SERPINB2: variants seen among roughly 807,000 people sequenced by gnomAD.
The protein encoded by SERPINB2 is plasminogen activator inhibitor 2.
In SERPINB2, 28 loss-of-function variants were observed where a neutral mutation model predicts 39.4. The observed-to-expected ratio is 0.71, with a 90% CI of 0.53 to 0.97. The LOEUF (loss-of-function observed/expected upper bound fraction) is 0.97. Among genes scored for constraint, SERPINB2 ranks in the 50% least tolerant of loss-of-function variants. The probability of loss-of-function intolerance (pLI) is 0.00; values close to 1 mark genes in which losing one functional copy is unlikely to be tolerated. For synonymous variants in SERPINB2, 209 were observed against 175.1 expected (o/e 1.19, Z -1.53); for missense variants, 557 against 505.3 (o/e 1.10, Z -0.98).
At chr18:63,893,780 C>T (rs1398006857) in intron 2 of SERPINB2, among the ~76,000 whole-genome samples, 1 of 152,120 alleles carries the variant, frequency 6.6e-6, no homozygotes, top group Non-Finnish European at 1.5e-5. Context: ...CTTATTAGTG[C>T]CTTAGCCAGG....
At position 63,902,556 on chromosome 18, in the gene SERPINB2, T is replaced by C; in HGVS notation, c.831T>C (p.Thr277=). Residue 277 remains threonine (T), a synonymous_variant, in exon 7 of 8, where the codon ACT becomes ACC. Coordinates refer to ENST00000299502, the MANE Select transcript of SERPINB2 (RefSeq NM_002575.3). The stretch of plus-strand genomic sequence containing the variant: ...CAGATGAAATTGCCGATGTGTCCAC[T>C]GGCTTGGAGCTGGTAAGACATTCAG... The part of the protein sequence containing the change: ...LLPDEIADVS[T]GLELLESEIT... 6.2e-7 allele frequency: 1 copy of C among 1,612,594 alleles called. No homozygotes were observed. Among genetic ancestry groups the C allele is most frequent in the Non-Finnish European group, 8.5e-7 (1 of 1,179,170 alleles).
chr18:63,888,070 A>G (rs568703293), intron 1 of SERPINB2, among the ~76,000 whole-genome samples: 1 of 152,226 alleles, frequency 6.6e-6, no homozygotes, highest in Non-Finnish European at 1.5e-5. Context: ...ATTAGATTAT[A>G]TATGTTCTCT....
chr18:63,893,754 A>G lies in SERPINB2; in HGVS notation c.169-1510A>G, dbSNP rs376704303. The stretch of plus-strand genomic sequence containing the variant: ...TGTAAGGCACTTAGTAGCAGTTGCT[A>G]TAATAACAACCAATACTTATTAGTG... On this transcript the variant is annotated intron_variant, in intron 2 of 7. Coordinates refer to ENST00000299502, the MANE Select transcript of SERPINB2 (RefSeq NM_002575.3). 5.9e-5 allele frequency among the ~76,000 whole-genome samples: 9 copies of G among 152,244 alleles called. No individual in the cohort carries two copies. The East Asian group carries it at 1.3e-3, about 23-fold the overall frequency.
intron 1 of SERPINB2, among the ~76,000 whole-genome samples, chr18:63,889,412 T>C (rs1311451924): frequency 6.6e-6 from 1 of 152,192 alleles, no homozygotes; most frequent in Non-Finnish European, 1.5e-5. Context: ...TGTTAGTTTG[T>C]CTTTAGAGTT....
At chr18:63,894,802 T>C (rs937989449) in intron 2 of SERPINB2, among the ~76,000 whole-genome samples, 1 of 152,224 alleles carries the variant, frequency 6.6e-6, no homozygotes, top group African/African-American at 2.4e-5. Flanking sequence ...TTGCATGACC[T>C]GTTTTATGCC....
Position 63,896,036 on chromosome 18 carries a change from T to A in SERPINB2, c.288+653T>A, listed in dbSNP as rs1201372716. Among the ~76,000 whole-genome samples, 3 of 152,338 alleles carry A rather than the reference T, an allele frequency of 2.0e-5. No homozygotes were observed. The East Asian group carries it at 5.8e-4, about 29-fold the overall frequency. On this transcript the variant is annotated intron_variant, in intron 3 of 7. Transcript: ENST00000299502. ...AAATGTCAGCTATCCAGTTAAATTA[T>A]AAAAACTGAGTATAGACTGCTCCTG...
intron 2 of SERPINB2, chr18:63,892,872 G>T (rs542557225): frequency 6.6e-6 from 1 of 152,164 alleles, no homozygotes; most frequent in African/African-American, 2.4e-5. Flanking sequence ...TGCCTTGAAA[G>T]AATAAAGATA....
Position 63,897,078 on chromosome 18 carries a change from CT to C in SERPINB2, c.289-10del. The C allele has an allele frequency of 6.2e-7, 1 of 1,609,500 alleles. No homozygotes were observed. The highest frequency in any genetic ancestry group is 8.5e-7 in the Non-Finnish European group (1 of 1,177,696). The stretch of plus-strand genomic sequence containing the variant: ...CTGTGTTATATATAAAGAATTCCTT[CT>C]TTCTTTTCAAGGCACAAGCTGCAGA... On this transcript the variant is annotated splice_polypyrimidine_tract_variant and intron_variant, in intron 3 of 7. Coordinates refer to ENST00000299502, the MANE Select transcript of SERPINB2 (RefSeq NM_002575.3).
intron 1 of SERPINB2, among the ~76,000 whole-genome samples, chr18:63,888,588 A>G (rs2049906723): frequency 6.6e-6 from 1 of 152,128 alleles, no homozygotes; most frequent in Admixed American, 6.5e-5. Flanking sequence ...GCTACAGCAA[A>G]CTCCAATCTA....
intron 2 of SERPINB2, among the ~76,000 whole-genome samples, chr18:63,893,623 CAT>C (rs1314287818): frequency 6.6e-6 from 1 of 152,196 alleles, no homozygotes; most frequent in East Asian, 1.9e-4. Context: ...TTCCTTACTA[CAT>C]GTGTGTGAGG....
intron 5 of SERPINB2, 27 bp from the exon 6 acceptor site, chr18:63,901,713 C>A: frequency 6.8e-7 from 1 of 1,480,734 alleles, no homozygotes; most frequent in East Asian, 2.6e-5. Context: ...GATTATGAAA[C>A]CTAAATATAT....
intron 1 of SERPINB2, among the ~76,000 whole-genome samples, chr18:63,890,391 G>A (rs1403336611): frequency 6.6e-6 from 1 of 152,088 alleles, no homozygotes; most frequent in Non-Finnish European, 1.5e-5. Context: ...GTCATAAGAA[G>A]GTTTCCTGAG....
rs2144707896 is a variant in SERPINB2, at chr18:63,902,518, T to C, written c.793T>C (p.Phe265Leu). 1 of 1,613,644 alleles carries C rather than the reference T, an allele frequency of 6.2e-7. No individual in the cohort carries two copies. The highest frequency in any genetic ancestry group is 8.5e-7 in the Non-Finnish European group (1 of 1,179,686). The change falls in exon 7 of 8, where the codon TTC becomes CTC. Residue 265 changes from phenylalanine (F) to leucine (L), a missense_variant. By Grantham distance (22) the Phe-to-Leu change is conservative. Transcript: ENST00000299502. The stretch of plus-strand genomic sequence containing the variant: ...CCCATATGCTGGAGATGTTAGCATG[T>C]TCTTGTTGCTTCCAGATGAAATTGC... ...ELPYAGDVSM[F>L]LLLPDEIADV...
Position 63,896,407 on chromosome 18 carries a change from A to AATAGATATCT in SERPINB2, c.289-680_289-679insATATCTATAG, listed in dbSNP as rs150237180. ...TTCCACTGCATAGTTTGCCCCATAA[A>AATAGATATCT]ATAGGTATCTAGAGAAGCTATATGA... On this transcript the variant is annotated intron_variant, in intron 3 of 7. Coordinates refer to ENST00000299502, the MANE Select transcript of SERPINB2 (RefSeq NM_002575.3). Among the ~76,000 whole-genome samples, 19 of 151,922 alleles carry AATAGATATCT rather than the reference A, an allele frequency of 1.3e-4. 1 individual carries two copies. In the East Asian group the frequency reaches 3.5e-3, roughly 28 times the overall value.
At chr18:63,894,596 G>A (rs531120715) in intron 2 of SERPINB2, among the ~76,000 whole-genome samples, 11 of 152,262 alleles carry the variant, frequency 7.2e-5, no homozygotes, top group Admixed American at 6.5e-4. Flanking sequence ...AGGCAGCAGT[G>A]TTGTGGGAAG....
Position 63,895,380 on chromosome 18 carries a change from G to A in SERPINB2, c.285G>A (p.Leu95=). The change falls in exon 3 of 8, where the codon TTG becomes TTA. Residue 95 remains leucine (L), a synonymous_variant. Transcript: ENST00000299502. ...AGGGTAGTTATCCTGATGCGATTTT[G>A]CAGGTATCTGACTTACTGGTCCAAA... ...IQKGSYPDAI[L]QAQAADKIHS... 6.2e-7 allele frequency: 1 copy of A among 1,613,928 alleles called. No homozygotes were observed. The highest frequency in any genetic ancestry group is 1.1e-5 in the South Asian group (1 of 91,022).
intron 2 of SERPINB2, chr18:63,892,881 T>G (rs996774742): frequency 2.0e-5 from 3 of 152,236 alleles, no homozygotes; most frequent in African/African-American, 7.2e-5. Context: ...AGAATAAAGA[T>G]AGTAAATTGG....
intron 5 of SERPINB2, among the ~76,000 whole-genome samples, chr18:63,899,762 T>G (rs914019392): frequency 7.2e-5 from 11 of 152,218 alleles, no homozygotes; most frequent in African/African-American, 2.7e-4. Flanking sequence ...AGGATTTTCA[T>G]TTAACTCTTA....
intron 5 of SERPINB2, among the ~76,000 whole-genome samples, chr18:63,899,964 C>G (rs1355500207): frequency 1.3e-5 from 2 of 152,080 alleles, no homozygotes; most frequent in African/African-American, 4.8e-5. Flanking sequence ...AAAATATTGA[C>G]AGACCACTGA....
Sources: gnomAD v4.1 joint callset for allele counts (sites outside exome capture counted in the v4.1 genomes callset) on GRCh38, gnomAD v4.1.1 for gene constraint, MANE v1.5 for transcripts, NCBI Gene and HGNC (gene_info 2026-07-23, HGNC 2026-07-21) for gene names.